The following LY86 variants were observed in gnomAD, a reference collection of about 807,000 sequenced individuals.
LY86 encodes MD-1, RP105-associated.
A neutral mutation model predicts 17.3 loss-of-function variants in LY86; 20 were observed. That is an observed-to-expected ratio of 1.15 (90% confidence interval 0.81 to 1.68). LY86 has a LOEUF of 1.68. Ranked by LOEUF, LY86 falls within the 40% of genes most tolerant of loss-of-function variation. The pLI is 0.00. For synonymous variants in LY86, 74 were observed against 70.6 expected (o/e 1.05, Z -0.24); for missense variants, 200 against 191.9 (o/e 1.04, Z -0.25).
intron 1 of LY86, among the ~76,000 whole-genome samples, chr6:6,607,721 G>A (rs1157111140): frequency 8.5e-5 from 13 of 152,170 alleles, no homozygotes; most frequent in Middle Eastern, 3.4e-3. Flanking sequence ...CCAACATGGC[G>A]AAACCCCGTC....
intron 4 of LY86, among the ~76,000 whole-genome samples, chr6:6,651,129 CACTTAGGTT>C (rs1762180681): frequency 6.6e-6 from 1 of 152,164 alleles, no homozygotes; most frequent in African/African-American, 2.4e-5. Flanking sequence ...CATACATAGA[CACTTAGGTT>C]GATTCCATGT....
chr6:6,641,924 G>C (rs904340683), intron 3 of LY86, among the ~76,000 whole-genome samples: 3 of 152,234 alleles, frequency 2.0e-5, no homozygotes, highest in African/African-American at 7.2e-5. Flanking sequence ...CCATCCCTCA[G>C]CAACCCCTGG....
At chr6:6,617,728 T>C (rs1189809534) in intron 1 of LY86, among the ~76,000 whole-genome samples, 3 of 152,180 alleles carry the variant, frequency 2.0e-5, no homozygotes, top group Non-Finnish European at 4.4e-5. Context: ...CAGTTTCCTC[T>C]CACCTTCATG....
chr6:6,652,110 G>C (rs942641488), intron 4 of LY86, among the ~76,000 whole-genome samples: 5 of 136,992 alleles, frequency 3.6e-5, no homozygotes, highest in African/African-American at 1.3e-4. Flanking sequence ...TAAGTAAAAA[G>C]CTTTATTTTA....
At position 6,654,544 on chromosome 6, in the gene LY86, G is replaced by T; in HGVS notation, c.406G>T (p.Gly136Ter). The T allele has an allele frequency of 1.2e-6, 2 of 1,613,448 alleles. No individual in the cohort carries two copies. The highest frequency in any genetic ancestry group is 1.7e-6 in the Non-Finnish European group (2 of 1,179,386). Residue 136 changes from glycine to a stop codon, truncating the protein, a stop_gained and splice_region_variant, in exon 5 of 5, where the codon GGA becomes TGA. Transcript: ENST00000230568. LOFTEE classifies it high-confidence loss of function. ...VNNPEFTIPQ[G>*]EYQVLLELYT... The stretch of plus-strand genomic sequence containing the variant: ...AATACTTGACCTGTGCCCCTTGCAG[G>T]GAGAATACCAGGTTTTGCTGGAACT...
chr6:6,649,885 G>A (rs549702919), intron 4 of LY86, among the ~76,000 whole-genome samples: 1 of 152,148 alleles, frequency 6.6e-6, no homozygotes, highest in African/African-American at 2.4e-5. Flanking sequence ...TTGACACACT[G>A]GCTTTGTCAT....
intron 1 of LY86, among the ~76,000 whole-genome samples, chr6:6,617,017 C>A (rs529682328): frequency 5.9e-5 from 9 of 152,362 alleles, no homozygotes; most frequent in African/African-American, 2.2e-4. Flanking sequence ...AGCGGAGAAG[C>A]ATGTGCTAAC....
intron 4 of LY86, among the ~76,000 whole-genome samples, chr6:6,650,668 A>T (rs1762175081): frequency 6.6e-6 from 1 of 152,238 alleles, no homozygotes; most frequent in African/African-American, 2.4e-5. Context: ...GTGATTTTTT[A>T]AAATGCATGC....
rs376493686 is a variant in LY86 at position 6,622,882 on chromosome 6, T to G, written c.137-2044T>G. On this transcript the variant is annotated intron_variant, in intron 1 of 4. Transcript: ENST00000230568. ...TAAGTAACATATGTAGTTGAGGTTC[T>G]ACTTTGTGAGTTTCACTGCACAATA... is the stretch of plus-strand genomic sequence containing the variant. 18 of 152,386 alleles carry G rather than the reference T, an allele frequency of 1.2e-4. No homozygotes were observed. In the East Asian group the frequency reaches 2.7e-3, roughly 23 times the overall value. The allele number at this position is 152,386 out of a possible 1,614,324, so 9.4% of individuals were successfully genotyped here. A position where few individuals can be genotyped will look rare whatever the true frequency, so the allele number is the denominator to read the frequency against.
intron 1 of LY86, among the ~76,000 whole-genome samples, chr6:6,594,455 C>CTT (rs3838322): frequency 0.72 from 108,886 of 151,966 alleles, 40,672 homozygotes; most frequent in Non-Finnish European, 0.82. Context: ...TTATGCTACT[C>CTT]GTGTTATAAT....
intron 1 of LY86, among the ~76,000 whole-genome samples, chr6:6,603,422 TAAA>T (rs1161500843): frequency 3.3e-5 from 5 of 151,812 alleles, no homozygotes; most frequent in Admixed American, 1.3e-4. Context: ...CTTGTCTACA[TAAA>T]AAACTTCTGT....
chr6:6,640,939 C>T (rs1389992862), intron 3 of LY86, among the ~76,000 whole-genome samples: 1 of 152,168 alleles, frequency 6.6e-6, no homozygotes, highest in Non-Finnish European at 1.5e-5. Flanking sequence ...ATCTCACATG[C>T]CTCGTCAAAC....
At chr6:6,608,949 T>C (rs778403622) in intron 1 of LY86, among the ~76,000 whole-genome samples, 4 of 152,264 alleles carry the variant, frequency 2.6e-5, no homozygotes, top group Non-Finnish European at 5.9e-5. Context: ...TTTATATCTT[T>C]AGCAAAAGTA....
intron 3 of LY86, among the ~76,000 whole-genome samples, chr6:6,634,526 T>G (rs9502482): frequency 0.17 from 26,349 of 152,282 alleles, 2,604 homozygotes; most frequent in East Asian, 0.26. Flanking sequence ...TCACTGATTT[T>G]ATACATACAA....
intron 3 of LY86, among the ~76,000 whole-genome samples, chr6:6,642,360 C>A (rs1221129167): frequency 6.6e-6 from 1 of 152,224 alleles, no homozygotes; most frequent in Non-Finnish European, 1.5e-5. Context: ...AGGGGAGACA[C>A]AAAGGACTCA....
chr6:6,628,168 G>A (rs1339213443), intron 3 of LY86, among the ~76,000 whole-genome samples: 2 of 151,814 alleles, frequency 1.3e-5, no homozygotes, highest in South Asian at 2.1e-4. Flanking sequence ...TCATTAGTCC[G>A]TCCCTATTTA....
chr6:6,605,747 T>C (rs1316124207), intron 1 of LY86, among the ~76,000 whole-genome samples: 3 of 152,226 alleles, frequency 2.0e-5, no homozygotes, highest in African/African-American at 7.2e-5. Flanking sequence ...AAAGGCAGTG[T>C]GTCCAGAACT....
At chr6:6,590,353 G>A (rs1015199391) in intron 1 of LY86, among the ~76,000 whole-genome samples, 18 of 152,122 alleles carry the variant, frequency 1.2e-4, no homozygotes, top group African/African-American at 3.6e-4. Context: ...TAGACAATTC[G>A]TGTTCCTGGT....
intron 1 of LY86, among the ~76,000 whole-genome samples, chr6:6,590,662 A>C (rs974985575): frequency 4.6e-5 from 7 of 152,218 alleles, no homozygotes; most frequent in African/African-American, 1.7e-4. Flanking sequence ...GTGCAAACGC[A>C]TGGCATTGTG....
Sources: gnomAD v4.1 joint callset for allele counts (sites outside exome capture counted in the v4.1 genomes callset) on GRCh38, gnomAD v4.1.1 for gene constraint, MANE v1.5 for transcripts, NCBI Gene and HGNC (gene_info 2026-07-23, HGNC 2026-07-21) for gene names.